The following DCUN1D2 variants were observed in gnomAD, a reference collection of about 807,000 sequenced individuals.
The protein encoded by DCUN1D2 is DCN1-like protein 2.
DCUN1D2 carries 29 observed loss-of-function variants against 30.9 expected under a neutral mutation model. The ratio of observed to expected loss-of-function variants is 0.94; its 90% CI spans 0.70 to 1.28. The LOEUF (loss-of-function observed/expected upper bound fraction) is 1.28. Ranked by LOEUF, DCUN1D2 falls within the 50% of genes most tolerant of loss-of-function variation. DCUN1D2 has a pLI of 0.00. For missense variants in DCUN1D2, 325 were observed against 316.9 expected, an observed-to-expected ratio of 1.03 and a Z score of -0.19; for synonymous variants, 121 against 115.3, an observed-to-expected ratio of 1.05 and a Z score of -0.32.
intron 3 of DCUN1D2, 157 bp downstream of exon 3, chr13:113,480,418 A>G: frequency 1.9e-6 from 1 of 539,038 alleles, no homozygotes; most frequent in Non-Finnish European, 2.9e-6. Context: ...AAGGAAACCA[A>G]AGGCTTGATA....
At chr13:113,489,056 A>T in intron 1 of DCUN1D2, 1 of 943,584 alleles carries the variant, frequency 1.1e-6, no homozygotes, top group Non-Finnish European at 1.3e-6. Flanking sequence ...AATGGAAAGA[A>T]ATTACTCTTA....
chr13:113,479,427 T>C (rs1156995916), intron 3 of DCUN1D2, among the ~76,000 whole-genome samples: 1 of 152,186 alleles, frequency 6.6e-6, no homozygotes. Context: ...TTTAGTTGTA[T>C]CTATTTTAAA....
At chr13:113,486,965 T>C (rs1186594155) in intron 1 of DCUN1D2, among the ~76,000 whole-genome samples, 2 of 152,256 alleles carry the variant, frequency 1.3e-5, no homozygotes, top group African/African-American at 4.8e-5. Flanking sequence ...CTGTGGGCTG[T>C]AGTTTGCCGA....
intron 4 of DCUN1D2, among the ~76,000 whole-genome samples, chr13:113,470,286 A>G (rs1163520184): frequency 6.6e-6 from 1 of 152,222 alleles, no homozygotes; most frequent in African/African-American, 2.4e-5. Context: ...GCAATAGGCT[A>G]TGCCACCCAG....
chr13:113,467,810 G>C (rs1279746541), intron 4 of DCUN1D2, among the ~76,000 whole-genome samples: 1 of 152,096 alleles, frequency 6.6e-6, no homozygotes, highest in Admixed American at 6.6e-5. Flanking sequence ...TTGGGAGGCC[G>C]AGGTGGGTGG....
intron 3 of DCUN1D2, among the ~76,000 whole-genome samples, chr13:113,478,681 T>C (rs1042135064): frequency 2.0e-5 from 3 of 152,158 alleles, no homozygotes; most frequent in Admixed American, 6.5e-5. Flanking sequence ...CTAATTTCCA[T>C]TGTAATTTCT....
chr13:113,465,202 A>G (rs949253192), intron 4 of DCUN1D2, among the ~76,000 whole-genome samples: 2 of 152,216 alleles, frequency 1.3e-5, no homozygotes, highest in Admixed American at 1.3e-4. Context: ...AGTCAGAAAA[A>G]AAGTTTTATC....
rs529290343 is a variant in DCUN1D2, at chr13:113,457,842, G to A, written c.*187C>T. ...AAACATCCCAAAGCAGCCGTGTCCC[G>A]AGGAACTTCCTGCGGTGTCCACAAA... On this transcript the variant is annotated 3_prime_UTR_variant, in exon 7 of 7. Coordinates refer to ENST00000478244, the MANE Select transcript of DCUN1D2 (RefSeq NM_001014283.2). 5.4e-4 allele frequency: 336 copies of A among 620,074 alleles called. No homozygotes were observed. The African/African-American group carries it at 5.6e-3, about 10-fold the overall frequency. The allele number at this position is 620,074 out of a possible 1,614,324, so 38.4% of individuals were successfully genotyped here. A position where few individuals can be genotyped will look rare whatever the true frequency, so the allele number is the denominator to read the frequency against.
At chr13:113,469,400 G>A (rs2044465189) in intron 4 of DCUN1D2, among the ~76,000 whole-genome samples, 1 of 152,210 alleles carries the variant, frequency 6.6e-6, no homozygotes, top group African/African-American at 2.4e-5. Context: ...GCAACCTTCA[G>A]CTGAAACCAT....
chr13:113,490,712 G>A (rs1483643261), upstream of DCUN1D2: 27 of 1,195,808 alleles, frequency 2.3e-5, no homozygotes, highest in East Asian at 1.0e-3. This position sits in a 1 kb window ranked among gnomAD's most constrained non-coding sequence, Gnocchi z 5.2. Context: ...GGCCTTCTGC[G>A]CAGGCGCGGC....
chr13:113,468,630 CG>C (rs1047730745), intron 4 of DCUN1D2, among the ~76,000 whole-genome samples: 1 of 152,002 alleles, frequency 6.6e-6, no homozygotes, highest in African/African-American at 2.4e-5. Context: ...TTCAGACAAG[CG>C]GCCTATGAGG....
At chr13:113,467,966 C>A (rs1240495534) in intron 4 of DCUN1D2, among the ~76,000 whole-genome samples, 1 of 149,564 alleles carries the variant, frequency 6.7e-6, no homozygotes, top group African/African-American at 2.5e-5. Flanking sequence ...ATTGCTTGAA[C>A]CTGGGAGGCA....
intron 3 of DCUN1D2, among the ~76,000 whole-genome samples, chr13:113,480,107 C>T (rs2044682441): frequency 6.6e-6 from 1 of 152,168 alleles, no homozygotes; most frequent in Non-Finnish European, 1.5e-5. Context: ...TATAACTTAT[C>T]TGATAAGCGA....
At chr13:113,459,723 T>C (rs2044288036) in intron 5 of DCUN1D2, among the ~76,000 whole-genome samples, 2 of 152,220 alleles carry the variant, frequency 1.3e-5, no homozygotes, top group South Asian at 4.1e-4. Context: ...ATATATATAT[T>C]CACGAACAGC....
intron 6 of DCUN1D2, among the ~76,000 whole-genome samples, chr13:113,458,744 G>A (rs1194986803): frequency 2.6e-5 from 4 of 152,220 alleles, no homozygotes; most frequent in Non-Finnish European, 5.9e-5. Context: ...CACGGCGCCA[G>A]GGCCCAGAAC....
In DCUN1D2 at chr13:113,455,914, G is replaced by T. The variant is rs1396631067; in HGVS notation, c.*2115C>A. On this transcript the variant is annotated 3_prime_UTR_variant, in exon 7 of 7. Coordinates refer to ENST00000478244, the MANE Select transcript of DCUN1D2 (RefSeq NM_001014283.2). ...AGAAGAAAAAAACCCACAATTTTTGGAAAAGCCTTTGTCCAATGATTAATA... is the reference window on the plus strand; with the variant it reads ...AGAAGAAAAAAACCCACAATTTTTGTAAAAGCCTTTGTCCAATGATTAATA... 2 of 277,094 alleles carry T rather than the reference G, an allele frequency of 7.2e-6. No individual in the cohort carries two copies. Among genetic ancestry groups the T allele is most frequent in the African/African-American group, 4.4e-5 (2 of 45,772 alleles). 17.2% of individuals were successfully genotyped at this position (277,094 alleles called of 1,614,324 possible).
chr13:113,461,171 TC>T, intron 4 of DCUN1D2, 35 bp from the exon 5 acceptor site: 1 of 1,378,996 alleles, frequency 7.3e-7, no homozygotes, highest in Non-Finnish European at 1.0e-6. Flanking sequence ...TTAGTAAATC[TC>T]ACTCTCTTTT....
Position 113,457,210 on chromosome 13 carries a change from T to C in DCUN1D2, c.*819A>G, listed in dbSNP as rs1243075760. 2.0e-5 allele frequency: 3 copies of C among 152,170 alleles called. No homozygotes were observed. The highest frequency in any genetic ancestry group is 7.2e-5 in the African/African-American group (3 of 41,438). 9.4% of individuals were successfully genotyped at this position (152,170 alleles called of 1,614,324 possible). A position where few individuals can be genotyped will look rare whatever the true frequency, so the allele number is the denominator to read the frequency against. ...TTTAAAATCTATAATTCATCACTCA[T>C]AAAATAAATGTTTTTCATGGAAAAA... is the stretch of plus-strand genomic sequence containing the variant. On this transcript the variant is annotated 3_prime_UTR_variant, in exon 7 of 7. Coordinates refer to ENST00000478244, the MANE Select transcript of DCUN1D2 (RefSeq NM_001014283.2).
At chr13:113,466,388 A>C (rs930606000) in intron 4 of DCUN1D2, among the ~76,000 whole-genome samples, 1 of 152,216 alleles carries the variant, frequency 6.6e-6, no homozygotes, top group Non-Finnish European at 1.5e-5. Context: ...AGTAGACAGA[A>C]TCTGGCATCT....
Sources: gnomAD v4.1 joint callset for allele counts (sites outside exome capture counted in the v4.1 genomes callset) on GRCh38, gnomAD v4.1.1 for gene constraint, Gnocchi (gnomAD v3.1) non-coding constraint, MANE v1.5 for transcripts, NCBI Gene and HGNC (gene_info 2026-07-23, HGNC 2026-07-21) for gene names.